The following PDE4B variants were observed in gnomAD, a reference collection of about 807,000 sequenced individuals.
The protein encoded by PDE4B is phosphodiesterase 4B.
A neutral mutation model predicts 82.2 loss-of-function variants in PDE4B; 20 were observed. The ratio of observed to expected loss-of-function variants is 0.24; its 90% CI spans 0.17 to 0.35. PDE4B has a LOEUF of 0.35. Among genes scored for constraint, PDE4B ranks in the 10% least tolerant of loss-of-function variants. PDE4B has a pLI of 1.00. For missense variants in PDE4B, 655 were observed against 907.2 expected (o/e 0.72, Z 3.57); for synonymous variants, 320 against 318.9 (o/e 1.00, Z -0.04).
chr1:66,223,687 C>A lies in PDE4B; in HGVS notation c.282-23773C>A, dbSNP rs180793606. Among the ~76,000 whole-genome samples, 90 of 152,112 alleles carry A rather than the reference C, an allele frequency of 5.9e-4. 1 individual carries two copies. Among genetic ancestry groups the A allele is most frequent in the Middle Eastern group, 6.8e-3 (2 of 294 alleles). On this transcript the variant is annotated intron_variant, in intron 3 of 16. Coordinates refer to ENST00000341517, the MANE Select transcript of PDE4B (RefSeq NM_002600.4). ...TTGCAGTGTTCTTTTTTCATTCCCC[C>A]CCAGCCCCACATTCAATGCACTGCA...
intron 3 of PDE4B, among the ~76,000 whole-genome samples, chr1:66,135,464 A>G (rs149247999): frequency 3.2e-4 from 49 of 152,332 alleles, no homozygotes; most frequent in African/African-American, 1.1e-3. Flanking sequence ...GGCAATAAGA[A>G]TAGAGTGTGA....
At chr1:66,128,880 A>T (rs1209905346) in intron 3 of PDE4B, among the ~76,000 whole-genome samples, 1 of 152,202 alleles carries the variant, frequency 6.6e-6, no homozygotes, top group Non-Finnish European at 1.5e-5. Flanking sequence ...ATTCACTACC[A>T]TGAGAACAGT....
chr1:66,103,586 C>G (rs1006147859), intron 3 of PDE4B, among the ~76,000 whole-genome samples: 4 of 152,054 alleles, frequency 2.6e-5, no homozygotes, highest in Non-Finnish European at 5.9e-5. Flanking sequence ...TCATGGCAAT[C>G]CTTTTAAACT....
chr1:65,884,964 A>G (rs1646754868), intron 1 of PDE4B, among the ~76,000 whole-genome samples: 4 of 152,160 alleles, frequency 2.6e-5, no homozygotes, highest in Non-Finnish European at 5.9e-5. Flanking sequence ...CTACTCATCT[A>G]ATAAAGGGCT....
chr1:65,871,657 A>G (rs1646574624), intron 1 of PDE4B, among the ~76,000 whole-genome samples: 1 of 152,240 alleles, frequency 6.6e-6, no homozygotes, highest in African/African-American at 2.4e-5. Context: ...TGAAAGGTTG[A>G]TACTTAGGCA....
intron 3 of PDE4B, among the ~76,000 whole-genome samples, chr1:66,000,190 A>G (rs1280211503): frequency 1.3e-5 from 2 of 152,242 alleles, no homozygotes; most frequent in Non-Finnish European, 2.9e-5. Context: ...TGGTTGGTGC[A>G]TCAGCTCAGG....
intron 3 of PDE4B, among the ~76,000 whole-genome samples, chr1:65,984,653 G>T (rs1339474113): frequency 6.6e-6 from 1 of 152,140 alleles, no homozygotes; most frequent in Non-Finnish European, 1.5e-5. Context: ...TATTCAGACG[G>T]CTGAGGCAGG....
chr1:65,919,023 A>G (rs1013878055), intron 3 of PDE4B, among the ~76,000 whole-genome samples, 188 bp downstream of exon 3: 2 of 152,214 alleles, frequency 1.3e-5, no homozygotes, highest in Admixed American at 6.5e-5. Context: ...CTAGTTCTTC[A>G]GAGTGGAAGG....
intron 3 of PDE4B, among the ~76,000 whole-genome samples, chr1:66,135,865 C>A (rs1646045644): frequency 6.6e-6 from 1 of 152,052 alleles, no homozygotes; most frequent in African/African-American, 2.4e-5. Flanking sequence ...GCATTTTAAG[C>A]TAAAGAATCT....
chr1:66,338,725 T>G (rs1660711649), intron 8 of PDE4B, among the ~76,000 whole-genome samples: 1 of 149,964 alleles, frequency 6.7e-6, no homozygotes, highest in African/African-American at 2.5e-5. Context: ...GAAATAGAGA[T>G]AAGCTATTCT....
intron 3 of PDE4B, among the ~76,000 whole-genome samples, chr1:65,963,929 G>T (rs1649673977): frequency 6.6e-6 from 1 of 152,030 alleles, no homozygotes; most frequent in African/African-American, 2.4e-5. Context: ...CCCTATTTAT[G>T]CTTGTATGTA....
intron 3 of PDE4B, among the ~76,000 whole-genome samples, chr1:66,123,809 A>C (rs1249711059): frequency 1.3e-5 from 2 of 152,224 alleles, no homozygotes; most frequent in South Asian, 4.1e-4. Context: ...ACTTGTGATC[A>C]TTAAATCCCT....
chr1:65,935,868 CGGAGGTTGCGGTGAG>C (rs1648097580), intron 3 of PDE4B, among the ~76,000 whole-genome samples: 1 of 151,528 alleles, frequency 6.6e-6, no homozygotes, highest in African/African-American at 2.4e-5. Flanking sequence ...ACCTGGGAGG[CGGAGGTTGCGGTGAG>C]CCGAGATCAC....
At chr1:66,125,083 C>G (rs1014099050) in intron 3 of PDE4B, among the ~76,000 whole-genome samples, 2 of 151,012 alleles carry the variant, frequency 1.3e-5, no homozygotes, top group South Asian at 2.1e-4. Flanking sequence ...GAGTCTCAAT[C>G]TAGTCCATAC....
chr1:65,825,754 CT>C (rs1646010176), intron 1 of PDE4B, among the ~76,000 whole-genome samples: 1 of 150,752 alleles, frequency 6.6e-6, no homozygotes. Flanking sequence ...ATCTATCTAT[CT>C]ATCTCAACAT....
intron 1 of PDE4B, among the ~76,000 whole-genome samples, chr1:65,894,929 G>A (rs557756660): frequency 6.6e-6 from 1 of 152,152 alleles, no homozygotes; most frequent in Admixed American, 6.6e-5. Flanking sequence ...ATACACTGCT[G>A]CTGGGAATGC....
At chr1:66,225,078 G>C (rs191472773) in intron 3 of PDE4B, among the ~76,000 whole-genome samples, 22 of 152,212 alleles carry the variant, frequency 1.4e-4, no homozygotes, top group African/African-American at 5.1e-4. Context: ...CGAGGACTTT[G>C]CACCTGCATC....
chr1:66,158,555 A>T (rs773321277), intron 3 of PDE4B, among the ~76,000 whole-genome samples: 8 of 152,180 alleles, frequency 5.3e-5, no homozygotes, highest in African/African-American at 1.7e-4. Flanking sequence ...AAAAAACTAA[A>T]ACTAGAAGTA....
chr1:66,006,770 T>G (rs1652172709), intron 3 of PDE4B, among the ~76,000 whole-genome samples: 1 of 152,096 alleles, frequency 6.6e-6, no homozygotes, highest in Non-Finnish European at 1.5e-5. Context: ...CTCTGCACTT[T>G]TCCTTCCTGC....
Sources: allele counts gnomAD v4.1 joint callset (sites outside exome capture counted in the v4.1 genomes callset), GRCh38; gene constraint gnomAD v4.1.1; transcripts MANE v1.5; gene names NCBI Gene and HGNC (gene_info 2026-07-23, HGNC 2026-07-21).